The following NFYC variants were observed in gnomAD, a reference collection of about 807,000 sequenced individuals.
NFYC encodes CAAT box DNA-binding protein subunit C.
In NFYC, 25 loss-of-function variants were observed where a neutral mutation model predicts 53.1. The ratio of observed to expected loss-of-function variants is 0.47; its 90% CI spans 0.34 to 0.66. The LOEUF (loss-of-function observed/expected upper bound fraction) is 0.66, where lower values mean the gene tolerates loss of function less well. Ranked by LOEUF, NFYC falls within the 30% of genes least tolerant of loss-of-function variation. The pLI, the probability that NFYC is intolerant of heterozygous loss-of-function variation, is 0.01. For missense variants in NFYC, 260 were observed against 422.7 expected, an observed-to-expected ratio of 0.62 and a Z score of 3.38; for synonymous variants, 145 against 152.6, an observed-to-expected ratio of 0.95 and a Z score of 0.37.
At chr1:40,720,397 G>C (rs1425788634) in intron 1 of NFYC, among the ~76,000 whole-genome samples, 3 of 152,170 alleles carry the variant, frequency 2.0e-5, no homozygotes, top group Non-Finnish European at 2.9e-5. Flanking sequence ...CCGATGATTA[G>C]ATAATTGTCT....
At chr1:40,738,204 C>T (rs890972201) in intron 1 of NFYC, among the ~76,000 whole-genome samples, 3 of 152,160 alleles carry the variant, frequency 2.0e-5, no homozygotes, top group African/African-American at 7.2e-5. Context: ...GCCCGGCCCT[C>T]TCTCTTTTTT....
At chr1:40,757,270 C>G in intron 5 of NFYC, 1 of 526,994 alleles carries the variant, frequency 1.9e-6, no homozygotes, top group South Asian at 1.4e-5. Flanking sequence ...CAACCCTGGA[C>G]CCTGTGGGCT....
chr1:40,729,979 T>TTTTG (rs1644692504), intron 1 of NFYC, among the ~76,000 whole-genome samples: 1 of 151,934 alleles, frequency 6.6e-6, no homozygotes, highest in Non-Finnish European at 1.5e-5. Flanking sequence ...CCCAGCCCCA[T>TTTTG]ATCAGCTTTT....
chr1:40,710,467 C>A (rs917419965), intron 1 of NFYC, among the ~76,000 whole-genome samples: 10 of 152,208 alleles, frequency 6.6e-5, no homozygotes, highest in Non-Finnish European at 1.3e-4. Context: ...GGTTGCTAAT[C>A]AGTAACCAGC....
chr1:40,693,115 C>A (rs1259880415), intron 1 of NFYC, among the ~76,000 whole-genome samples: 1 of 152,146 alleles, frequency 6.6e-6, no homozygotes, highest in African/African-American at 2.4e-5. Flanking sequence ...AAAAAGTATA[C>A]CCATTCCCAT....
chr1:40,766,753 G>C, intron 8 of NFYC, 50 bp downstream of exon 8: 1 of 1,572,604 alleles, frequency 6.4e-7, no homozygotes, highest in Non-Finnish European at 8.8e-7. Flanking sequence ...GGAGCAGATG[G>C]CTTCTGACAG....
chr1:40,745,076 T>G (rs145814092), intron 2 of NFYC, among the ~76,000 whole-genome samples: 127 of 152,286 alleles, frequency 8.3e-4, no homozygotes, highest in African/African-American at 2.8e-3. Flanking sequence ...AAGCAGAGCT[T>G]ATTATAAATT....
rs118111686 is a variant in NFYC, at chr1:40,694,806, G to A, written c.-9+2939G>A. Among the ~76,000 whole-genome samples, 13 of 152,278 alleles carry A rather than the reference G, an allele frequency of 8.5e-5. No individual in the cohort carries two copies. The East Asian group carries it at 2.3e-3, about 27-fold the overall frequency. ...ACTCTCAGGAAATCTCAGTAGATCT[G>A]AGTTTATGTTGAAAACTTGTGAACC... On this transcript the variant is annotated intron_variant, in intron 1 of 9. Transcript: ENST00000447388.
chr1:40,723,884 C>T (rs1223076223), intron 1 of NFYC: 1 of 151,992 alleles, frequency 6.6e-6, no homozygotes, highest in African/African-American at 2.4e-5. Context: ...ACTATGTTGC[C>T]CAGGCTGATC....
intron 5 of NFYC, among the ~76,000 whole-genome samples, chr1:40,756,173 G>T (rs1646208257): frequency 6.6e-6 from 1 of 152,174 alleles, no homozygotes; most frequent in Non-Finnish European, 1.5e-5. Context: ...CAATAGCTTT[G>T]CAAAGAGCAG....
At chr1:40,706,197 T>C (rs759182467) in intron 1 of NFYC, among the ~76,000 whole-genome samples, 19 of 152,144 alleles carry the variant, frequency 1.2e-4, no homozygotes, top group African/African-American at 3.4e-4. Context: ...CCACTCTCGG[T>C]GGGACCCAAG....
At position 40,753,040 on chromosome 1, in the gene NFYC, G is replaced by T. The variant is rs138389358; in HGVS notation, c.292-111G>T. 5.6e-4 allele frequency: 385 copies of T among 692,118 alleles called. 2 individuals are homozygous for T. The East Asian group carries it at 8.2e-3, about 15-fold the overall frequency. The allele number at this position is 692,118 out of a possible 1,614,324, so 42.9% of individuals were successfully genotyped here. A position where few individuals can be genotyped will look rare whatever the true frequency, so the allele number is the denominator to read the frequency against. On this transcript the variant is annotated intron_variant, in intron 4 of 9. Transcript: ENST00000447388. The stretch of plus-strand genomic sequence containing the variant: ...GCTTATTTCAGCTGTAGACTTGCCC[G>T]TAGGTGTTTAGTTTGGCTTAAAAGT...
intron 1 of NFYC, among the ~76,000 whole-genome samples, chr1:40,733,900 T>G: frequency 6.6e-6 from 1 of 152,076 alleles, no homozygotes; most frequent in Non-Finnish European, 1.5e-5. Flanking sequence ...TGTGCCACCA[T>G]GCTCGGCTAA....
Position 40,713,581 on chromosome 1 carries a change from A to G in NFYC, c.-9+21714A>G, listed in dbSNP as rs1644015679. On this transcript the variant is annotated intron_variant, in intron 1 of 9. Coordinates refer to ENST00000447388, the MANE Select transcript of NFYC (RefSeq NM_014223.5). ...CTTATTACTGATAATATATGCATAC[A>G]GAGTTTGAATACATCTAAATTAGGC... Among the ~76,000 whole-genome samples the G allele has an allele frequency of 2.0e-5, 3 of 152,250 alleles. No individual in the cohort carries two copies. The South Asian group carries it at 6.2e-4, about 31-fold the overall frequency.
At chr1:40,705,781 C>G (rs1273872849) in intron 1 of NFYC, among the ~76,000 whole-genome samples, 1 of 152,192 alleles carries the variant, frequency 6.6e-6, no homozygotes, top group East Asian at 1.9e-4. Context: ...GAGTCTCACT[C>G]TGTCGCCCAG....
intron 1 of NFYC, among the ~76,000 whole-genome samples, chr1:40,714,712 T>G (rs752381016): frequency 1.5e-4 from 21 of 136,868 alleles, no homozygotes; most frequent in Non-Finnish European, 3.0e-4. Flanking sequence ...ACTCCTGGGC[T>G]CAAGCAGTCC....
intron 1 of NFYC, chr1:40,735,467 G>T: frequency 2.8e-6 from 1 of 356,382 alleles, no homozygotes; most frequent in Non-Finnish European, 3.9e-6. Context: ...ATCTGTAGTT[G>T]GGACAGTTCA....
chr1:40,699,638 T>G (rs750446810), intron 1 of NFYC, among the ~76,000 whole-genome samples: 2 of 152,182 alleles, frequency 1.3e-5, no homozygotes, highest in Non-Finnish European at 2.9e-5. Context: ...TTAATGTCAT[T>G]TTCAGTAGTA....
intron 4 of NFYC, among the ~76,000 whole-genome samples, chr1:40,751,860 T>C (rs1437881008): frequency 6.6e-6 from 1 of 152,192 alleles, no homozygotes; most frequent in East Asian, 1.9e-4. Flanking sequence ...TATATTGTAG[T>C]CATCTTAAAT....
Sources: allele counts gnomAD v4.1 joint callset (sites outside exome capture counted in the v4.1 genomes callset), GRCh38; gene constraint gnomAD v4.1.1; transcripts MANE v1.5; gene names NCBI Gene and HGNC (gene_info 2026-07-23, HGNC 2026-07-21).